DUSP14: variants seen among roughly 807,000 people sequenced by gnomAD.
DUSP14 encodes the protein dual specificity protein phosphatase 14.
A neutral mutation model predicts 13.2 loss-of-function variants in DUSP14; 5 were observed. The observed-to-expected ratio is 0.38, with a 90% CI of 0.20 to 0.80. DUSP14 has a LOEUF of 0.80. Among genes scored for constraint, DUSP14 ranks in the 30% least tolerant of loss-of-function variants. The pLI, the probability that DUSP14 is intolerant of heterozygous loss-of-function variation, is 0.44. For missense variants in DUSP14, 185 were observed against 264.0 expected (o/e 0.70, Z 2.07); for synonymous variants, 91 against 103.4 (o/e 0.88, Z 0.73).
At position 37,512,867 on chromosome 17, in the gene DUSP14, T is replaced by G. The variant is rs1256966573; in HGVS notation, c.595T>G (p.Ter199GluextTer3). The G allele has an allele frequency of 6.3e-7, 1 of 1,597,678 alleles. No individual in the cohort carries two copies. Among genetic ancestry groups the G allele is most frequent in the South Asian group, 1.1e-5 (1 of 90,756 alleles). The change falls in exon 3 of 3, where the codon TAG (stop) becomes GAG (glutamate). Residue 199 changes from the stop codon to glutamate (E), a stop_lost. Coordinates refer to ENST00000617516, the MANE Select transcript of DUSP14 (RefSeq NM_007026.4). This position sits in a 1 kb window ranked among gnomAD's most constrained non-coding sequence, Gnocchi z 4.8. ...SRHLMPYWGI[*>E] Reference sequence around the variant, plus strand: ...ACACCTGATGCCTTACTGGGGGATTTAGTGCCACTGAAGCCTGCGTCAGCA... The same window carrying G: ...ACACCTGATGCCTTACTGGGGGATTGAGTGCCACTGAAGCCTGCGTCAGCA...
intron 1 of DUSP14, among the ~76,000 whole-genome samples, chr17:37,506,040 A>T (rs192164312): frequency 2.6e-5 from 4 of 152,256 alleles, no homozygotes; most frequent in South Asian, 2.1e-4. Flanking sequence ...AGGCAGGTGG[A>T]TCACCTGAGG....
intron 1 of DUSP14, among the ~76,000 whole-genome samples, chr17:37,495,052 G>C (rs920153379): frequency 2.0e-5 from 3 of 152,220 alleles, no homozygotes; most frequent in Non-Finnish European, 2.9e-5. Flanking sequence ...AGGAGGAGGA[G>C]TAAGAAGTCG....
At chr17:37,500,885 A>G (rs12946892) in intron 1 of DUSP14, among the ~76,000 whole-genome samples, 39,700 of 152,092 alleles carry the variant, frequency 0.26, 5,443 homozygotes, top group Admixed American at 0.41. Context: ...GCACAATCAC[A>G]TCGACCTGAC....
chr17:37,511,937 A>AGTTTTTTTTTT (rs1329764853), intron 2 of DUSP14, among the ~76,000 whole-genome samples: 3 of 16,436 alleles, frequency 1.8e-4, no homozygotes, highest in Non-Finnish European at 2.3e-4. Flanking sequence ...CCCCCACCCC[A>AGTTTTTTTTTT]CTTTTTTTTT....
At chr17:37,511,938 C>CGTTTTTTTTTTTTTTTTTTTT (rs1568206074) in intron 2 of DUSP14, among the ~76,000 whole-genome samples, 4 of 38,246 alleles carry the variant, frequency 1.0e-4, no homozygotes, top group African/African-American at 2.0e-4. Context: ...CCCCACCCCA[C>CGTTTTTTTTTTTTTTTTTTTT]TTTTTTTTTT....
intron 1 of DUSP14, among the ~76,000 whole-genome samples, chr17:37,492,957 A>G (rs2054038743): frequency 6.6e-6 from 1 of 152,202 alleles, no homozygotes; most frequent in African/African-American, 2.4e-5. Context: ...AACTAAAAGT[A>G]GATACTCTTG....
chr17:37,504,912 G>A (rs939139201), intron 1 of DUSP14, among the ~76,000 whole-genome samples: 1 of 151,800 alleles, frequency 6.6e-6, no homozygotes, highest in Non-Finnish European at 1.5e-5. Flanking sequence ...TATATTTTGC[G>A]ACAGAGTCTT....
intron 1 of DUSP14, among the ~76,000 whole-genome samples, chr17:37,505,979 C>G (rs1412512961): frequency 6.6e-6 from 1 of 152,076 alleles, no homozygotes; most frequent in Non-Finnish European, 1.5e-5. Context: ...AAGAACAAAC[C>G]AGACTGGGCT....
At chr17:37,491,149 C>A (rs1423661235) in intron 1 of DUSP14, among the ~76,000 whole-genome samples, 1 of 152,200 alleles carries the variant, frequency 6.6e-6, no homozygotes, top group Non-Finnish European at 1.5e-5. Context: ...GTGCTGTATT[C>A]TTTGCAGAGT....
chr17:37,509,462 AGGTG>A (rs2054168771), intron 1 of DUSP14, among the ~76,000 whole-genome samples: 3 of 150,314 alleles, frequency 2.0e-5, no homozygotes, highest in Admixed American at 2.0e-4. Context: ...CTGGGATTAC[AGGTG>A]TGTGCCATCA....
upstream of DUSP14, among the ~76,000 whole-genome samples, chr17:37,489,203 C>T (rs545971668): frequency 1.3e-5 from 2 of 152,320 alleles, no homozygotes; most frequent in South Asian, 2.1e-4. Context: ...GCCTGCGCTC[C>T]GGAGAACCCC....
At chr17:37,493,186 C>G (rs2054040721) in intron 1 of DUSP14, among the ~76,000 whole-genome samples, 1 of 152,126 alleles carries the variant, frequency 6.6e-6, no homozygotes, top group African/African-American at 2.4e-5. Flanking sequence ...TGGTCTTGAA[C>G]TCCTGGGCTC....
At chr17:37,491,743 G>C (rs1291883204) in intron 1 of DUSP14, 1 of 152,172 alleles carries the variant, frequency 6.6e-6, no homozygotes, top group Non-Finnish European at 1.5e-5. Context: ...TTTTTAAAAA[G>C]TGGGCTTTAG....
intron 1 of DUSP14, among the ~76,000 whole-genome samples, chr17:37,495,138 AGCGG>A (rs779434449): frequency 6.6e-6 from 1 of 152,198 alleles, no homozygotes; most frequent in Non-Finnish European, 1.5e-5. Flanking sequence ...TCGGCCTTCC[AGCGG>A]GCAGCTTTCA....
intron 1 of DUSP14, among the ~76,000 whole-genome samples, chr17:37,500,804 A>T (rs1275579836): frequency 6.6e-6 from 1 of 152,148 alleles, no homozygotes; most frequent in Non-Finnish European, 1.5e-5. Flanking sequence ...GATATTTCAC[A>T]CCCGAAGACC....
intron 1 of DUSP14, among the ~76,000 whole-genome samples, chr17:37,505,116 T>A (rs1161991591): frequency 6.6e-6 from 1 of 152,160 alleles, no homozygotes; most frequent in Non-Finnish European, 1.5e-5. Flanking sequence ...GTTTTTTGAG[T>A]TTTGGGGTAG....
At chr17:37,511,983 A>G (rs1204498981) in intron 2 of DUSP14, among the ~76,000 whole-genome samples, 198 bp from the exon 3 acceptor site, 1 of 119,930 alleles carries the variant, frequency 8.3e-6, no homozygotes, top group Non-Finnish European at 1.6e-5. Flanking sequence ...GCTGAATTTT[A>G]CATTGATTTC....
At chr17:37,506,123 G>T (rs543267462) in intron 1 of DUSP14, among the ~76,000 whole-genome samples, 28 of 151,978 alleles carry the variant, frequency 1.8e-4, no homozygotes, top group Admixed American at 1.6e-3. Flanking sequence ...AAATTAGCTG[G>T]GCATGGTGGC....
chr17:37,502,012 T>C (rs576861944), intron 1 of DUSP14, among the ~76,000 whole-genome samples: 2 of 152,344 alleles, frequency 1.3e-5, no homozygotes, highest in South Asian at 4.1e-4. Context: ...GTTGTTTTTA[T>C]ATGTGTATCT....
Sources: allele counts gnomAD v4.1 joint callset (sites outside exome capture counted in the v4.1 genomes callset), GRCh38; gene constraint gnomAD v4.1.1; non-coding constraint Gnocchi (gnomAD v3.1); transcripts MANE v1.5; gene names NCBI Gene and HGNC (gene_info 2026-07-23, HGNC 2026-07-21).